The following RIF1 variants were observed in gnomAD, a reference collection of about 807,000 sequenced individuals.
RIF1 encodes the protein replication timing regulatory factor 1, also known as telomere-associated protein RIF1.
Under a neutral mutation model 247.1 loss-of-function variants are expected in RIF1, and 45 were observed. The ratio of observed to expected loss-of-function variants is 0.18; its 90% CI spans 0.14 to 0.23. RIF1 has a LOEUF of 0.23. Ranked by LOEUF, RIF1 falls within the 10% of genes least tolerant of loss-of-function variation. RIF1 has a pLI of 1.00. For missense variants in RIF1, 2,967 were observed against 2,862.5 expected (o/e 1.04, Z -0.83); for synonymous variants, 1,087 against 978.8 (o/e 1.11, Z -2.06).
At chr2:151,506,184 T>C in intron 12 of RIF1, 1 of 1,612,790 alleles carries the variant, frequency 6.2e-7, no homozygotes, top group Non-Finnish European at 8.5e-7. Flanking sequence ...TGTGGTCCTG[T>C]GTTTGTTTCA....
chr2:151,487,434 ATTTCC>A (rs1318767698), intron 9 of RIF1, among the ~76,000 whole-genome samples: 1 of 152,158 alleles, frequency 6.6e-6, no homozygotes, highest in Non-Finnish European at 1.5e-5. Context: ...TCACAAATAG[ATTTCC>A]TTTCCCCTTT....
At chr2:151,518,514 AT>A in the RIF1 span, 10 of 779,046 alleles carry the variant, frequency 1.3e-5, no homozygotes, top group Admixed American at 2.3e-4. Context: ...ACACAGCACC[AT>A]TGTCAAGATC....
At chr2:151,498,404 T>C in intron 10 of RIF1, 1 of 1,350,170 alleles carries the variant, frequency 7.4e-7, no homozygotes. Context: ...TCAGTCATTT[T>C]CCCCCTGCTT....
downstream of RIF1, among the ~76,000 whole-genome samples, chr2:151,484,667 A>G (rs2049400990): frequency 6.6e-6 from 1 of 152,238 alleles, no homozygotes; most frequent in Non-Finnish European, 1.5e-5. Context: ...GGAGTTGGAA[A>G]TCACAATAGG....
rs1399274068 is a variant in RIF1, at chr2:151,499,465, C to G, written c.*634C>G. ...CCCTTTCATCTACCTTGTGGGGAACCTGGTATAAAACTACAGACGTCAGAC... is the reference window on the plus strand; with the variant it reads ...CCCTTTCATCTACCTTGTGGGGAACGTGGTATAAAACTACAGACGTCAGAC... On this transcript the variant is annotated 3_prime_UTR_variant and NMD_transcript_variant, in exon 11 of 14. Coordinates refer to the RIF1 transcript ENST00000454583. 3 of 787,010 alleles carry G rather than the reference C, an allele frequency of 3.8e-6. No homozygotes were observed. In the South Asian group the frequency reaches 4.4e-5, roughly 12 times the overall value. 48.8% of individuals were successfully genotyped at this position (787,010 alleles called of 1,614,324 possible).
chr2:151,458,085 A>G, intron 24 of RIF1, 122 bp downstream of exon 24: 5 of 638,688 alleles, frequency 7.8e-6, no homozygotes, highest in Non-Finnish European at 1.3e-5. Context: ...TAGTTGAAAT[A>G]TTACCATTTG....
chr2:151,414,169 G>T (rs887415668), intron 3 of RIF1, among the ~76,000 whole-genome samples: 1 of 151,854 alleles, frequency 6.6e-6, no homozygotes, highest in African/African-American at 2.4e-5. Flanking sequence ...AAAAATATAG[G>T]CATGGTGGCG....
intron 8 of RIF1, among the ~76,000 whole-genome samples, chr2:151,426,660 T>G (rs9653293): frequency 0.018 from 2,530 of 143,666 alleles, 83 homozygotes; most frequent in African/African-American, 0.065. Flanking sequence ...TTATTTAGGG[T>G]TTTTTTTTTG....
exon 13 of RIF1, chr2:151,506,242 T>C (rs766909197): frequency 8.7e-6 from 14 of 1,612,966 alleles, no homozygotes; most frequent in Non-Finnish European, 9.3e-6. Flanking sequence ...TGGTGAGACA[T>C]CCTCTTTATA....
chr2:151,459,943 G>A, intron 25 of RIF1, 57 bp from the exon 26 acceptor site: 2 of 1,389,980 alleles, frequency 1.4e-6, no homozygotes, highest in Non-Finnish European at 9.7e-7. Flanking sequence ...ACGTGAAAAG[G>A]AAAAGCAAAA....
downstream of RIF1, among the ~76,000 whole-genome samples, chr2:151,484,986 A>G (rs2049463375): frequency 6.6e-6 from 1 of 152,204 alleles, no homozygotes; most frequent in African/African-American, 2.4e-5. Flanking sequence ...CTGTAAAGTT[A>G]CAGGGACTTA....
chr2:151,485,974 ATT>A, downstream of RIF1: 2 of 1,593,200 alleles, frequency 1.3e-6, no homozygotes, highest in Non-Finnish European at 1.7e-6. Flanking sequence ...TATATGTTGG[ATT>A]TGCAACAGTT....
intron 20 of RIF1, among the ~76,000 whole-genome samples, chr2:151,446,794 T>C (rs549592825): frequency 6.6e-6 from 1 of 152,314 alleles, no homozygotes; most frequent in Non-Finnish European, 1.5e-5. Flanking sequence ...TACTATACTG[T>C]GTTATCTCCT....
the RIF1 span, chr2:151,518,965 A>G: frequency 6.2e-7 from 1 of 1,605,058 alleles, no homozygotes; most frequent in Admixed American, 1.7e-5. Flanking sequence ...CTGAGCTTAC[A>G]GAACTGGCAA....
At chr2:151,433,752 G>C (rs995507111) in intron 10 of RIF1, among the ~76,000 whole-genome samples, 1 of 152,206 alleles carries the variant, frequency 6.6e-6, no homozygotes, top group Admixed American at 6.5e-5. Flanking sequence ...ACCGCGCCTG[G>C]CCCTGAAATG....
chr2:151,519,964 T>C, the RIF1 span: 35 of 445,416 alleles, frequency 7.9e-5, no homozygotes, highest in Admixed American at 2.3e-4. Flanking sequence ...GGCATTCAAA[T>C]ATATGATCAC....
intron 11 of RIF1, chr2:151,501,604 G>GTAAC (rs1220076259): frequency 4.1e-6 from 2 of 490,072 alleles, no homozygotes; most frequent in Non-Finnish European, 7.2e-6. Context: ...AAGTACCTCA[G>GTAAC]TAACTTTTAA....
At position 151,499,384 on chromosome 2, in the gene RIF1, A is replaced by G. The variant is rs555681348; in HGVS notation, c.*553A>G. ...ATCCCTTTTCCAACGTTTTCTTTAT[A>G]CAACACCTGTATGACACAAGAAAGC... On this transcript the variant is annotated 3_prime_UTR_variant and NMD_transcript_variant, in exon 11 of 14. Transcript: ENST00000454583. The G allele has an allele frequency of 6.5e-6, 10 of 1,529,102 alleles. No individual in the cohort carries two copies. The highest frequency in any genetic ancestry group is 3.4e-4 in the Middle Eastern group (2 of 5,938). 94.7% of individuals were successfully genotyped at this position (1,529,102 alleles called of 1,614,324 possible).
chr2:151,498,395 C>T, intron 10 of RIF1: 1 of 1,401,794 alleles, frequency 7.1e-7, no homozygotes, highest in Non-Finnish European at 9.8e-7. Context: ...AGCAATCAAT[C>T]AGTCATTTTC....
Sources: allele counts gnomAD v4.1 joint callset (sites outside exome capture counted in the v4.1 genomes callset), GRCh38; gene constraint gnomAD v4.1.1; transcripts MANE v1.5; gene names NCBI Gene and HGNC (gene_info 2026-07-23, HGNC 2026-07-21).